The following RTTN variants were observed in gnomAD, a reference collection of about 807,000 sequenced individuals.
The protein encoded by RTTN is rotatin.
Under a neutral mutation model 269.2 loss-of-function variants are expected in RTTN, and 182 were observed. The ratio of observed to expected loss-of-function variants is 0.68; its 90% CI spans 0.60 to 0.76. The LOEUF (loss-of-function observed/expected upper bound fraction) is 0.76. Ranked by LOEUF, RTTN falls within the 30% of genes least tolerant of loss-of-function variation. RTTN has a pLI of 0.00. For synonymous variants in RTTN, 1,006 were observed against 963.5 expected (o/e 1.04, Z -0.82); for missense variants, 2,545 against 2,608.6 (o/e 0.98, Z 0.53).
chr18:70,161,509 T>G (rs1189622900), intron 14 of RTTN, among the ~76,000 whole-genome samples: 1 of 151,816 alleles, frequency 6.6e-6, no homozygotes, highest in East Asian at 1.9e-4. Flanking sequence ...AACTAAAAAG[T>G]TTCTGCACAG....
intron 14 of RTTN, among the ~76,000 whole-genome samples, chr18:70,159,657 G>C (rs2060774577): frequency 6.6e-6 from 1 of 151,638 alleles, no homozygotes; most frequent in Non-Finnish European, 1.5e-5. Flanking sequence ...TTCTCCAAAA[G>C]AATATACAAG....
chr18:70,071,585 G>A (rs1276611919), intron 34 of RTTN, among the ~76,000 whole-genome samples: 1 of 152,116 alleles, frequency 6.6e-6, no homozygotes, highest in Non-Finnish European at 1.5e-5. Context: ...AGAATATTGA[G>A]TTCGATAGAG....
chr18:70,191,193 CA>C (rs572903786), intron 8 of RTTN, among the ~76,000 whole-genome samples: 2,248 of 123,356 alleles, frequency 0.018, 23 homozygotes, highest in South Asian at 0.05. Context: ...GACTCCATCT[CA>C]AAAAAAAAAA....
At chr18:70,173,521 G>A (rs571080626) in intron 11 of RTTN, among the ~76,000 whole-genome samples, 179 of 150,152 alleles carry the variant, frequency 1.2e-3, no homozygotes, top group Middle Eastern at 0.01. Flanking sequence ...AGAAAATAGA[G>A]TTTGGACTAT....
At chr18:70,009,691 G>A (rs2056310790) in intron 46 of RTTN, among the ~76,000 whole-genome samples, 1 of 152,112 alleles carries the variant, frequency 6.6e-6, no homozygotes, top group South Asian at 2.1e-4. Context: ...AAAACAACCA[G>A]CTAGCATCAT....
intron 40 of RTTN, among the ~76,000 whole-genome samples, chr18:70,046,230 G>C (rs2057487748): frequency 6.6e-6 from 1 of 152,104 alleles, no homozygotes; most frequent in African/African-American, 2.4e-5. Context: ...AATTTCCCAG[G>C]TCCAGGAGGA....
chr18:70,064,757 C>T (rs2058087386), intron 35 of RTTN, among the ~76,000 whole-genome samples: 1 of 152,050 alleles, frequency 6.6e-6, no homozygotes, highest in African/African-American at 2.4e-5. Context: ...TAAAATTGAT[C>T]GTGGTGACGG....
intron 46 of RTTN, 53 bp downstream of exon 46, chr18:70,017,354 G>A (rs2145500503): frequency 1.3e-6 from 2 of 1,506,890 alleles, no homozygotes; most frequent in Non-Finnish European, 1.8e-6. Context: ...GTGTTGACCT[G>A]AACAGTCTAT....
At chr18:70,018,540 C>T (rs1479997897) in intron 45 of RTTN, among the ~76,000 whole-genome samples, 1 of 152,162 alleles carries the variant, frequency 6.6e-6, no homozygotes, top group Non-Finnish European at 1.5e-5. Flanking sequence ...TTTTCCTAGA[C>T]CAAAATCAAG....
chr18:70,128,282 A>C (rs1568428142), intron 24 of RTTN, 76 bp downstream of exon 24: 6 of 1,259,088 alleles, frequency 4.8e-6, no homozygotes, highest in Non-Finnish European at 6.6e-6. Context: ...ACTGGACCTA[A>C]GGAAAAAGTA....
chr18:70,145,540 T>C (rs1318631406), intron 18 of RTTN, 72 bp downstream of exon 18: 36 of 1,180,540 alleles, frequency 3.0e-5, no homozygotes, highest in Non-Finnish European at 4.1e-5. Context: ...AACTGAAGAA[T>C]GTCACATAAA....
intron 40 of RTTN, among the ~76,000 whole-genome samples, chr18:70,047,362 A>T (rs2057520252): frequency 6.6e-6 from 1 of 152,258 alleles, no homozygotes. Flanking sequence ...CACAGTTTTT[A>T]AAAAATTACT....
chr18:70,086,740 T>G, intron 31 of RTTN, 56 bp from the exon 32 acceptor site: 3 of 1,355,800 alleles, frequency 2.2e-6, no homozygotes, highest in Non-Finnish European at 2.0e-6. Context: ...AAAAGGTCAA[T>G]ACTGCCATCT....
rs1242603957 is a variant in RTTN at position 70,205,312 on chromosome 18, T to A, written c.35A>T (p.His12Leu). The change falls in exon 2 of 49, where the codon CAT (histidine) becomes CTT (leucine). Residue 12 changes from histidine (H) to leucine (L), a missense_variant. Transcript: ENST00000640769. Reference protein sequence around the residue: ...VLAGLIRKLGHQLAEIRERAL... With the variant: ...VLAGLIRKLGLQLAEIRERAL... ...GCGCTCCCTGATCTCGGCCAGCTGA[T>A]GACCTGTCAACGAACGGCACAAAAC... 1 of 1,614,084 alleles carries A rather than the reference T, an allele frequency of 6.2e-7. No homozygotes were observed. Among genetic ancestry groups the A allele is most frequent in the Non-Finnish European group, 8.5e-7 (1 of 1,180,034 alleles).
chr18:70,092,663 T>G lies in RTTN; in HGVS notation c.4032+13A>C. 6.2e-7 allele frequency: 1 copy of G among 1,611,340 alleles called. No individual in the cohort carries two copies. The highest frequency in any genetic ancestry group is 8.5e-7 in the Non-Finnish European group (1 of 1,178,002). On this transcript the variant is annotated intron_variant, in intron 29 of 48. Transcript: ENST00000640769. The stretch of plus-strand genomic sequence containing the variant: ...GCAAATGTTCAGAAGATAGACAGCT[T>G]TAACGCGCTCACCAAGCTCCCAGCC...
At chr18:70,088,174 G>C in intron 30 of RTTN, 27 bp from the exon 31 acceptor site, 1 of 1,579,332 alleles carries the variant, frequency 6.3e-7, no homozygotes. Flanking sequence ...GAAAGTTGTT[G>C]AATCAAATAA....
intron 32 of RTTN, among the ~76,000 whole-genome samples, chr18:70,080,934 A>T (rs1466168028): frequency 2.0e-3 from 22 of 10,852 alleles, no homozygotes; most frequent in Non-Finnish European, 3.8e-3. Flanking sequence ...GGTATCACAC[A>T]CACACACACA....
At chr18:70,119,959 T>C (rs1005992743) in intron 26 of RTTN, among the ~76,000 whole-genome samples, 1 of 152,222 alleles carries the variant, frequency 6.6e-6, no homozygotes, top group Non-Finnish European at 1.5e-5. Flanking sequence ...AAGGAAAAGA[T>C]AATTACTATG....
chr18:70,173,251 T>C (rs574462874), intron 11 of RTTN, among the ~76,000 whole-genome samples: 8 of 152,136 alleles, frequency 5.3e-5, no homozygotes, highest in South Asian at 2.1e-4. Context: ...TCCCAGCACA[T>C]TGGGAGGCCA....
Sources: allele counts gnomAD v4.1 joint callset (sites outside exome capture counted in the v4.1 genomes callset), GRCh38; gene constraint gnomAD v4.1.1; transcripts MANE v1.5; gene names NCBI Gene and HGNC (gene_info 2026-07-23, HGNC 2026-07-21).